The following RCBTB1 variants were observed in gnomAD, a reference collection of about 807,000 sequenced individuals.
RCBTB1 encodes RCC1 and BTB domain containing protein 1.
A neutral mutation model predicts 62.4 loss-of-function variants in RCBTB1; 46 were observed. The observed-to-expected ratio is 0.74, with a 90% confidence interval of 0.58 to 0.94. The LOEUF is 0.94. Among genes scored for constraint, RCBTB1 ranks in the 40% least tolerant of loss-of-function variants. RCBTB1 has a pLI of 0.00. For missense variants in RCBTB1, 565 were observed against 654.9 expected (o/e 0.86, Z 1.50); for synonymous variants, 222 against 245.8 (o/e 0.90, Z 0.91).
At chr13:49,544,052 T>A (rs1422017528) in intron 10 of RCBTB1, among the ~76,000 whole-genome samples, 1 of 151,936 alleles carries the variant, frequency 6.6e-6, no homozygotes, top group Non-Finnish European at 1.5e-5. Context: ...CCTATGAGAG[T>A]TTTCTGCTTA....
At chr13:49,581,908 G>A (rs542529190) in intron 1 of RCBTB1, among the ~76,000 whole-genome samples, 9 of 152,366 alleles carry the variant, frequency 5.9e-5, no homozygotes, top group African/African-American at 2.2e-4. Context: ...AGGCCAGGTT[G>A]CAGCAGGTTG....
rs566481387 is a variant in RCBTB1, at chr13:49,582,867, G to T, written c.-121-2283C>A. ...TTAGGCTTTTTGCTAAGAGTAAGAG[G>T]GGAGGTAGCAATAAACAGTGGAGTG... is the stretch of plus-strand genomic sequence containing the variant. On this transcript the variant is annotated intron_variant, in intron 1 of 12. Coordinates refer to ENST00000378302, the MANE Select transcript of RCBTB1 (RefSeq NM_018191.4). Among the ~76,000 whole-genome samples the T allele has an allele frequency of 2.0e-5, 3 of 152,266 alleles. No individual in the cohort carries two copies. In the South Asian group the frequency reaches 6.2e-4, roughly 32 times the overall value.
At chr13:49,553,961 T>C (rs1301719795) in intron 6 of RCBTB1, among the ~76,000 whole-genome samples, 1 of 152,182 alleles carries the variant, frequency 6.6e-6, no homozygotes, top group Non-Finnish European at 1.5e-5. Context: ...ACTCTGTCTA[T>C]AACAGCAAAA....
At chr13:49,537,099 A>G (rs566843790) in intron 12 of RCBTB1, among the ~76,000 whole-genome samples, 56 of 152,288 alleles carry the variant, frequency 3.7e-4, no homozygotes, top group Non-Finnish European at 6.3e-4. Context: ...TTGAATGTTA[A>G]TAATTTGAAG....
At chr13:49,559,789 T>C in intron 5 of RCBTB1, 129 bp downstream of exon 5, 1 of 763,574 alleles carries the variant, frequency 1.3e-6, no homozygotes, top group Non-Finnish European at 2.0e-6. Flanking sequence ...GACAGTTGTA[T>C]GACAAGGTGA....
chr13:49,562,495 G>A (rs1377487819), intron 4 of RCBTB1, among the ~76,000 whole-genome samples: 1 of 131,976 alleles, frequency 7.6e-6, no homozygotes, highest in African/African-American at 2.9e-5. Context: ...ACTCTAGCCT[G>A]GACAGAGAGA....
At chr13:49,579,541 G>A (rs11148155) in intron 2 of RCBTB1, among the ~76,000 whole-genome samples, 7,660 of 151,896 alleles carry the variant, frequency 0.05, 275 homozygotes, top group South Asian at 0.13. Context: ...GGAGAATGGC[G>A]TGAGCCCAGG....
chr13:49,582,968 G>C (rs1053005685), intron 1 of RCBTB1, among the ~76,000 whole-genome samples: 10 of 152,002 alleles, frequency 6.6e-5, no homozygotes, highest in African/African-American at 1.9e-4. Context: ...CTTGAGGCTA[G>C]GTGTTCAAGA....
intron 10 of RCBTB1, among the ~76,000 whole-genome samples, chr13:49,543,136 C>A (rs1016726404): frequency 6.6e-6 from 1 of 151,898 alleles, no homozygotes; most frequent in East Asian, 1.9e-4. Context: ...GGTTAGTGCA[C>A]GATTGTAATC....
At chr13:49,534,364 C>G (rs1187467340) in intron 12 of RCBTB1, 102 bp from the exon 13 acceptor site, 3 of 1,243,382 alleles carry the variant, frequency 2.4e-6, no homozygotes, top group African/African-American at 3.0e-5. Flanking sequence ...CACCCTCCCC[C>G]AGAAAAGATA....
chr13:49,551,109 AG>A (rs1961290180), intron 8 of RCBTB1: 1 of 407,212 alleles, frequency 2.5e-6, no homozygotes. Flanking sequence ...AAAAAAGGGA[AG>A]GGAAGGGAAG....
intron 12 of RCBTB1, among the ~76,000 whole-genome samples, chr13:49,540,584 T>C (rs1960265046): frequency 6.6e-6 from 1 of 152,250 alleles, no homozygotes; most frequent in South Asian, 2.1e-4. Context: ...TAAAATATGC[T>C]GTTTGTTAGT....
At chr13:49,568,646 GC>G (rs1186817933) in intron 2 of RCBTB1, among the ~76,000 whole-genome samples, 13 of 59,084 alleles carry the variant, frequency 2.2e-4, no homozygotes, top group African/African-American at 7.9e-4. Context: ...AAATAATCAG[GC>G]CGGGGGAGGG....
chr13:49,546,811 A>C (rs539218943), intron 9 of RCBTB1: 32 of 257,182 alleles, frequency 1.2e-4, no homozygotes, highest in Non-Finnish European at 1.5e-4. Flanking sequence ...GTAAATACAG[A>C]TGAAGCTTCG....
chr13:49,552,672 T>C (rs931669687), intron 6 of RCBTB1, among the ~76,000 whole-genome samples: 1 of 152,062 alleles, frequency 6.6e-6, no homozygotes, highest in East Asian at 1.9e-4. Flanking sequence ...AGTGCTACAA[T>C]AGGTATAATC....
rs113825223 is a variant in RCBTB1 at position 49,546,144 on chromosome 13, C to CA, written c.1046-1282dup. ...GTCTAGATTGCTACCCCCACCCATC[C>CA]AAAAAAAAACCCACTTCTCATCAGT... On this transcript the variant is annotated intron_variant, in intron 9 of 12. Coordinates refer to ENST00000378302, the MANE Select transcript of RCBTB1 (RefSeq NM_018191.4). 1.3e-4 allele frequency: 130 copies of CA among 977,558 alleles called. 1 individual carries two copies. Among genetic ancestry groups the CA allele is most frequent in the South Asian group, 3.8e-4 (8 of 21,120 alleles). 60.6% of individuals were successfully genotyped at this position (977,558 alleles called of 1,614,324 possible).
chr13:49,580,216 T>C (rs1030443802), intron 2 of RCBTB1, among the ~76,000 whole-genome samples: 2 of 152,176 alleles, frequency 1.3e-5, no homozygotes, highest in African/African-American at 2.4e-5. Flanking sequence ...TTCTGTAAGT[T>C]TGTTCTTTGT....
At position 49,566,271 on chromosome 13, in the gene RCBTB1, AAAAT is replaced by A. The variant is rs373186397; in HGVS notation, c.277+343_277+346del. On this transcript the variant is annotated intron_variant, in intron 4 of 12. Transcript: ENST00000378302. Reference sequence around the variant, plus strand: ...AGAATGATCAATAAAAAAATAAAATAAAATAAATAAATAAATAAATAAATAAATA... The same window carrying A: ...AGAATGATCAATAAAAAAATAAAATAAAATAAATAAATAAATAAATAAATA... Among the ~76,000 whole-genome samples the A allele has an allele frequency of 8.4e-3, 800 of 94,870 alleles. 4 individuals carry two copies. The highest frequency in any genetic ancestry group is 0.028 in the African/African-American group (480 of 17,098). The allele number at this position is 94,870 out of a possible 152,430, so 62.2% of individuals were successfully genotyped here.
intron 2 of RCBTB1, among the ~76,000 whole-genome samples, chr13:49,580,021 T>C (rs868851286): frequency 2.0e-5 from 3 of 152,170 alleles, no homozygotes; most frequent in Non-Finnish European, 4.4e-5. Flanking sequence ...TCGTCTCACT[T>C]CTAACCTCAG....
Sources: gnomAD v4.1 joint callset for allele counts (sites outside exome capture counted in the v4.1 genomes callset) on GRCh38, gnomAD v4.1.1 for gene constraint, MANE v1.5 for transcripts, NCBI Gene and HGNC (gene_info 2026-07-23, HGNC 2026-07-21) for gene names.